Variants in CNGA4 observed in about 807,000 individuals in gnomAD.
CNGA4 encodes the protein cyclic nucleotide gated channel subunit alpha 4.
In CNGA4, 32 loss-of-function variants were observed where a neutral mutation model predicts 45.6. The ratio of observed to expected loss-of-function variants is 0.70; its 90% confidence interval spans 0.53 to 0.94. The LOEUF (loss-of-function observed/expected upper bound fraction) is 0.94, where lower values mean the gene tolerates loss of function less well. Ranked by LOEUF, CNGA4 falls within the 40% of genes least tolerant of loss-of-function variation. The pLI is 0.00. For missense variants in CNGA4, 726 were observed against 755.1 expected, an observed-to-expected ratio of 0.96 and a Z score of 0.45; for synonymous variants, 293 against 304.6, an observed-to-expected ratio of 0.96 and a Z score of 0.40.
Position 6,240,145 on chromosome 11 carries a change from G to T in CNGA4, c.351G>T (p.Leu117Phe), listed in dbSNP as rs765854525. 6.2e-7 allele frequency: 1 copy of T among 1,614,194 alleles called. No homozygotes were observed. Among genetic ancestry groups the T allele is most frequent in the South Asian group, 1.1e-5 (1 of 91,086 alleles). The change falls in exon 4 of 6, where the codon TTG (leucine) becomes TTT (phenylalanine). Residue 117 changes from leucine to phenylalanine, a missense_variant. Physicochemically the swap from Leu to Phe is conservative, Grantham distance 22. Coordinates refer to ENST00000379936, the MANE Select transcript of CNGA4 (RefSeq NM_001037329.4). This position sits in a 1 kb window ranked among gnomAD's most constrained non-coding sequence, Gnocchi z 4.9. ...ACGTTCGCACCTGGAGTTTCTTCTT[G>T]GACCTGGCTTCCCTGATGCCCACAG... is the stretch of plus-strand genomic sequence containing the variant. The part of the protein sequence containing the change: ...SRYVRTWSFF[L>F]DLASLMPTDV...
chr11:6,235,655 T>A (rs573602129), upstream of CNGA4: 2 of 691,036 alleles, frequency 2.9e-6, no homozygotes, highest in South Asian at 6.5e-5. Flanking sequence ...AAAAGTACTT[T>A]ACCGGCTGGG....
chr11:6,244,293 G>C lies in CNGA4; in HGVS notation c.1612G>C (p.Glu538Gln), dbSNP rs1352782176. 1 of 1,614,168 alleles carries C rather than the reference G, an allele frequency of 6.2e-7. No homozygotes were observed. Among genetic ancestry groups the C allele is most frequent in the African/African-American group, 1.3e-5 (1 of 75,038 alleles). The change falls in exon 6 of 6, where the codon GAG (glutamate) becomes CAG (glutamine). Residue 538 changes from glutamate (E) to glutamine (Q), a missense_variant. By Grantham distance (29) the Glu-to-Gln change is conservative. Coordinates refer to ENST00000379936, the MANE Select transcript of CNGA4 (RefSeq NM_001037329.4). This position sits in a 1 kb window ranked among gnomAD's most constrained non-coding sequence, Gnocchi z 4.5. ...TGAACGGCTGGAGTGGCAGACTCGA[G>C]AGTGGCCAATGCCCGAGGACCTGGC... ...RIERLEWQTR[E>Q]WPMPEDLAEA...
downstream of CNGA4, among the ~76,000 whole-genome samples, chr11:6,244,919 C>T (rs112075190): frequency 8.3e-4 from 127 of 152,302 alleles, no homozygotes; most frequent in African/African-American, 2.9e-3. This position sits in a 1 kb window ranked among gnomAD's most constrained non-coding sequence, Gnocchi z 4.5. Context: ...CCCATATGGG[C>T]GATTCACAAG....
In CNGA4 at chr11:6,244,150, A is replaced by C. The variant is rs1228071673; in HGVS notation, c.1469A>C (p.Gln490Pro). ...VNAEAAEIAL[Q>P]EATESRLRGL... ...GCTGAGGCAGCTGAGATCGCCCTGC[A>C]GGAGGCCACAGAGTCCCGGCTACGA... is the stretch of plus-strand genomic sequence containing the variant. Residue 490 changes from glutamine to proline, a missense_variant, in exon 6 of 6, where the codon CAG becomes CCG. By Grantham distance (76) the Gln-to-Pro change is moderately conservative. Transcript: ENST00000379936. The surrounding 1 kb of genome is among the most constrained non-coding windows in gnomAD (Gnocchi z 4.5). 6.2e-7 allele frequency: 1 copy of C among 1,614,230 alleles called. No individual in the cohort carries two copies.
At chr11:6,244,920 G>A (rs537979238), downstream of CNGA4, among the ~76,000 whole-genome samples, 3 of 152,280 alleles carry the variant, frequency 2.0e-5, no homozygotes, top group East Asian at 3.9e-4. The surrounding 1 kb of genome is among the most constrained non-coding windows in gnomAD (Gnocchi z 4.5). Flanking sequence ...CCATATGGGC[G>A]ATTCACAAGT....
chr11:6,240,788 G>C lies in CNGA4; in HGVS notation c.917+77G>C, dbSNP rs1847907484. On this transcript the variant is annotated intron_variant, in intron 4 of 5. Coordinates refer to ENST00000379936, the MANE Select transcript of CNGA4 (RefSeq NM_001037329.4). This position sits in a 1 kb window ranked among gnomAD's most constrained non-coding sequence, Gnocchi z 4.9. ...CCTGAGGGAGGTAACTGGGTCCTTA[G>C]TGCCTGGTGAGCCAGGCAAGGCTGT... 1 of 1,527,896 alleles carries C rather than the reference G, an allele frequency of 6.5e-7. No individual in the cohort carries two copies. Among genetic ancestry groups the C allele is most frequent in the Non-Finnish European group, 8.9e-7 (1 of 1,126,206 alleles). The allele number at this position is 1,527,896 out of a possible 1,614,324, so 94.6% of individuals were successfully genotyped here.
In CNGA4 at chr11:6,244,202, A is replaced by G. The variant is rs977791058; in HGVS notation, c.1521A>G (p.Leu507=). Reference sequence around the variant, plus strand: ...GCCTAGACCAGCAGCTGGATGATCTACAGACCAAGTTTGCTCGCCTCCTGG... The same window carrying G: ...GCCTAGACCAGCAGCTGGATGATCTGCAGACCAAGTTTGCTCGCCTCCTGG... ...LRGLDQQLDD[L]QTKFARLLAE... Residue 507 remains leucine, a synonymous_variant, in exon 6 of 6, where the codon CTA becomes CTG. Transcript: ENST00000379936. This position sits in a 1 kb window ranked among gnomAD's most constrained non-coding sequence, Gnocchi z 4.5. 6.2e-7 allele frequency: 1 copy of G among 1,614,242 alleles called. No homozygotes were observed. Among genetic ancestry groups the G allele is most frequent in the Non-Finnish European group, 8.5e-7 (1 of 1,180,042 alleles).
intron 5 of CNGA4, among the ~76,000 whole-genome samples, chr11:6,242,819 G>C (rs1297782826): frequency 6.6e-6 from 1 of 152,144 alleles, no homozygotes; most frequent in Non-Finnish European, 1.5e-5. Flanking sequence ...CTTGTCCAAG[G>C]TCCTTCTAGC....
chr11:6,244,414 A>G lies in CNGA4; in HGVS notation c.*5A>G, dbSNP rs1261448476. 1.9e-6 allele frequency: 3 copies of G among 1,599,226 alleles called. No individual in the cohort carries two copies. The highest frequency in any genetic ancestry group is 1.7e-5 in the Admixed American group (1 of 57,756). Reference sequence around the variant, plus strand: ...GGACCCCCAGGTCCAGAGTGACCCCATCCCCATCCCCAGGATTCCCACCTC... The same window carrying G: ...GGACCCCCAGGTCCAGAGTGACCCCGTCCCCATCCCCAGGATTCCCACCTC... On this transcript the variant is annotated 3_prime_UTR_variant, in exon 6 of 6. Transcript: ENST00000379936. This position sits in a 1 kb window ranked among gnomAD's most constrained non-coding sequence, Gnocchi z 4.5.
At chr11:6,241,360 A>G in intron 4 of CNGA4, 71 bp from the exon 5 acceptor site, 1 of 1,242,942 alleles carries the variant, frequency 8.0e-7, no homozygotes, top group Non-Finnish European at 1.1e-6. Context: ...AGCTGAGCTG[A>G]GCCCTGAAGG....
At chr11:6,239,032 C>G (rs1847871365), upstream of CNGA4, 3 of 1,462,238 alleles carry the variant, frequency 2.1e-6, no homozygotes, top group Admixed American at 2.6e-5. Flanking sequence ...GTCTCCACCC[C>G]TTCAGTAGCG....
intron 2 of CNGA4, 70 bp from the exon 3 acceptor site, chr11:6,239,614 A>G: frequency 6.4e-7 from 1 of 1,569,646 alleles, no homozygotes; most frequent in Admixed American, 1.7e-5. Flanking sequence ...CAGAGGGTTA[A>G]GGGCCCTGGG....
In CNGA4 at chr11:6,239,777, G is replaced by C. The variant is rs1345598720; in HGVS notation, c.258G>C (p.Val86=). Residue 86 remains valine (V), a synonymous_variant, in exon 3 of 6, where the codon GTG becomes GTC. Coordinates refer to ENST00000379936, the MANE Select transcript of CNGA4 (RefSeq NM_001037329.4). ...TGCTATACCTACTAGACATGGTGGT[G>C]CGCTTCCACACAGGTCAGTGGGCTT... The part of the protein sequence containing the change: ...SDLLYLLDMV[V]RFHTGFLEQG... 6.2e-7 allele frequency: 1 copy of C among 1,613,720 alleles called. No individual in the cohort carries two copies. The highest frequency in any genetic ancestry group is 8.5e-7 in the Non-Finnish European group (1 of 1,179,758).
At chr11:6,241,230 T>C (rs946955002) in intron 4 of CNGA4, among the ~76,000 whole-genome samples, 15 of 152,032 alleles carry the variant, frequency 9.9e-5, no homozygotes, top group Non-Finnish European at 2.2e-4. Context: ...TAGAGCCTGA[T>C]AGGAGGTGAA....
chr11:6,235,544 T>A, upstream of CNGA4: 1 of 985,294 alleles, frequency 1.0e-6, no homozygotes, highest in Non-Finnish European at 1.2e-6. Flanking sequence ...TAGGGAAGAC[T>A]TCCGGGAGGT....
upstream of CNGA4, chr11:6,238,949 T>C: frequency 1.0e-6 from 1 of 994,424 alleles, no homozygotes; most frequent in South Asian, 2.3e-5. Context: ...TCCAGGGATC[T>C]CATTAGAGGT....
intron 4 of CNGA4, 50 bp from the exon 5 acceptor site, chr11:6,241,381 G>C (rs1228400110): frequency 7.0e-7 from 1 of 1,432,758 alleles, no homozygotes; most frequent in African/African-American, 1.4e-5. Context: ...AAGGGATGGA[G>C]GCAGGCACAT....
Position 6,239,684 on chromosome 11 carries a change from A to C in CNGA4, c.165A>C (p.Arg55Ser). 6.8e-6 allele frequency: 11 copies of C among 1,613,988 alleles called. No homozygotes were observed. The highest frequency in any genetic ancestry group is 9.3e-6 in the Non-Finnish European group (11 of 1,179,916). ...AATCATGCTTAACCCTGCCCTGCAG[A>C]GCCTGCTTCCCCGACTTGCAGCACG... ...VMYNLIILVC[R>S]ACFPDLQHGY... is the part of the protein sequence containing the mutation. The change falls in exon 3 of 6, where the codon AGA (arginine) becomes AGC (serine). Residue 55 changes from arginine to serine, a missense_variant and splice_region_variant. Arg to Ser is a moderately radical substitution (Grantham distance 110). Transcript: ENST00000379936.
At chr11:6,239,820 T>C in intron 3 of CNGA4, 30 bp downstream of exon 3, 1 of 1,585,044 alleles carries the variant, frequency 6.3e-7, no homozygotes, top group South Asian at 1.1e-5. Flanking sequence ...TGACCCTTTG[T>C]CCCACATTCC....
Sources: allele counts gnomAD v4.1 joint callset (sites outside exome capture counted in the v4.1 genomes callset), GRCh38; gene constraint gnomAD v4.1.1; non-coding constraint Gnocchi (gnomAD v3.1); transcripts MANE v1.5; gene names NCBI Gene and HGNC (gene_info 2026-07-23, HGNC 2026-07-21).